PITRM1: variants seen among roughly 807,000 people sequenced by gnomAD.
PITRM1 encodes the protein presequence protease, mitochondrial.
Under a neutral mutation model 129.9 loss-of-function variants are expected in PITRM1, and 100 were observed. That is an observed-to-expected ratio of 0.77 (90% CI 0.65 to 0.91). The LOEUF (loss-of-function observed/expected upper bound fraction) is 0.91. PITRM1 is among the 40% of genes least tolerant of loss of function. The pLI is 0.00. For synonymous variants in PITRM1, 591 were observed against 508.8 expected (o/e 1.16, Z -2.17); for missense variants, 1,471 against 1,318.3 (o/e 1.12, Z -1.79).
At chr10:3,143,093 G>C in intron 23 of PITRM1, 1 of 379,940 alleles carries the variant, frequency 2.6e-6, no homozygotes, top group Non-Finnish European at 4.9e-6. Flanking sequence ...GATGAGGTGA[G>C]TACATGGGGC....
At position 3,162,631 on chromosome 10, in the gene PITRM1, G is replaced by A. The variant is rs76287607; in HGVS notation, c.791+1094C>T. On this transcript the variant is annotated intron_variant, in intron 7 of 26. Coordinates refer to ENST00000224949, the MANE Select transcript of PITRM1 (RefSeq NM_014889.4). ...GGTAGGATGTGGCCGTCTATGGAGAGCTCCCCATGAGGGACTCTGCTTACA... is the reference window on the plus strand; with the variant it reads ...GGTAGGATGTGGCCGTCTATGGAGAACTCCCCATGAGGGACTCTGCTTACA... Among the ~76,000 whole-genome samples the A allele has an allele frequency of 2.5e-3, 379 of 152,324 alleles. 4 individuals are homozygous for A. The highest frequency in any genetic ancestry group is 8.7e-3 in the African/African-American group (360 of 41,574).
chr10:3,150,768 G>T (rs528015286), intron 15 of PITRM1, among the ~76,000 whole-genome samples: 1 of 152,130 alleles, frequency 6.6e-6, no homozygotes, highest in Non-Finnish European at 1.5e-5. Flanking sequence ...GGAACAAAAC[G>T]TGCCAAGGAA....
Position 3,166,373 on chromosome 10 carries a change from A to ACCGCACG in PITRM1, c.273_274insCGTGCGG (p.Phe92ArgfsTer18), listed in dbSNP as rs772724180. The stretch of plus-strand genomic sequence containing the variant: ...GTACTGTCCATGGGAGTAGTACGGA[A>ACCGCACG]CTGCACGCTAGGGAAGGAGAATGAC... On this transcript the variant is annotated frameshift_variant, in exon 4 of 27. Coordinates refer to ENST00000224949, the MANE Select transcript of PITRM1 (RefSeq NM_014889.4). LOFTEE classifies it high-confidence loss of function. 2.6e-6 allele frequency: 4 copies of ACCGCACG among 1,567,814 alleles called. No individual in the cohort carries two copies. In the South Asian group the frequency reaches 3.4e-5, roughly 13 times the overall value.
intron 9 of PITRM1, 42 bp from the exon 10 acceptor site, chr10:3,159,084 A>G (rs768716154): frequency 6.4e-7 from 1 of 1,570,046 alleles, no homozygotes. Context: ...AGAAAAGAGT[A>G]AAGGGAAAAT....
At chr10:3,142,352 CCTT>C (rs1397356628) in intron 23 of PITRM1, among the ~76,000 whole-genome samples, 1 of 152,242 alleles carries the variant, frequency 6.6e-6, no homozygotes, top group African/African-American at 2.4e-5. Context: ...AGGCCCGGCT[CCTT>C]CTCCAATCAG....
rs763307403 is a variant in PITRM1 at position 3,149,498 on chromosome 10, A to G, written c.1871+123T>C. ...TCTAAACCAATATATTGTACACCAT[A>G]CTTACACACTAACATTGTAAGTTGT... On this transcript the variant is annotated intron_variant, in intron 16 of 26. Coordinates refer to ENST00000224949, the MANE Select transcript of PITRM1 (RefSeq NM_014889.4). 103 of 989,282 alleles carry G rather than the reference A, an allele frequency of 1.0e-4. 1 individual carries two copies. Among genetic ancestry groups the G allele is most frequent in the Non-Finnish European group, 1.0e-4 (70 of 676,934 alleles). 61.3% of individuals were successfully genotyped at this position (989,282 alleles called of 1,614,324 possible).
At chr10:3,155,101 C>T (rs1588679750) in intron 14 of PITRM1, among the ~76,000 whole-genome samples, 1 of 152,180 alleles carries the variant, frequency 6.6e-6, no homozygotes, top group African/African-American at 2.4e-5. Flanking sequence ...CCACAGGGCA[C>T]ACCTGTCTCC....
chr10:3,170,034 C>A, intron 2 of PITRM1, 70 bp downstream of exon 2: 1 of 1,182,822 alleles, frequency 8.5e-7, no homozygotes, highest in Admixed American at 1.8e-5. Flanking sequence ...TGAAGGGCTC[C>A]GTACATAGGC....
rs1310322714 is a variant in PITRM1 at position 3,166,960 on chromosome 10, C to G, written c.242G>C (p.Arg81Thr). The change falls in exon 3 of 27, where the codon AGA becomes ACA. Residue 81 changes from arginine to threonine, a missense_variant. By Grantham distance (71) the Arg-to-Thr change is moderately conservative (BLOSUM62 -1). Coordinates refer to ENST00000224949, the MANE Select transcript of PITRM1 (RefSeq NM_014889.4). Reference protein sequence around the residue: ...DTGARYLHLAREDTNNLFSVQ... With the variant: ...DTGARYLHLATEDTNNLFSVQ... ...CCTGAACAGATTATTCGTGTCTTCT[C>G]TGGCCAGGTGTAAATACCTGGCTCC... 27 of 1,608,414 alleles carry G rather than the reference C, an allele frequency of 1.7e-5. No individual in the cohort carries two copies. Among genetic ancestry groups the G allele is most frequent in the Non-Finnish European group, 2.2e-5 (26 of 1,175,878 alleles).
At chr10:3,162,922 G>C (rs1842568173) in intron 7 of PITRM1, among the ~76,000 whole-genome samples, 1 of 152,096 alleles carries the variant, frequency 6.6e-6, no homozygotes, top group Non-Finnish European at 1.5e-5. Context: ...TAAGAAATAG[G>C]CAGTTTTAAG....
In PITRM1 at chr10:3,137,905, G is replaced by A. The variant is rs887001356; in HGVS notation, c.*126C>T. Reference sequence around the variant, plus strand: ...ATAGATCTGAGTTTTTGACTCGCCAGTCAAGGGCTTTGGCGACACTCAATG... The same window carrying A: ...ATAGATCTGAGTTTTTGACTCGCCAATCAAGGGCTTTGGCGACACTCAATG... On this transcript the variant is annotated 3_prime_UTR_variant, in exon 27 of 27. Coordinates refer to ENST00000224949, the MANE Select transcript of PITRM1 (RefSeq NM_014889.4). The A allele has an allele frequency of 1.3e-5, 8 of 637,022 alleles. No homozygotes were observed. In the African/African-American group the frequency reaches 1.5e-4, roughly 12 times the overall value. The allele number at this position is 637,022 out of a possible 1,614,324, so 39.5% of individuals were successfully genotyped here. A position where few individuals can be genotyped will look rare whatever the true frequency, so the allele number is the denominator to read the frequency against.
intron 23 of PITRM1, chr10:3,141,853 GA>G (rs1840253262): frequency 3.9e-6 from 1 of 256,292 alleles, no homozygotes; most frequent in Non-Finnish European, 8.2e-6. Flanking sequence ...TCCTCCAGGA[GA>G]AACCCAGCGC....
chr10:3,172,806 C>G, upstream of PITRM1: 3 of 1,533,584 alleles, frequency 2.0e-6, no homozygotes, highest in Non-Finnish European at 2.6e-6. Flanking sequence ...GCGAGGAACC[C>G]CCTCTTAACC....
Position 3,172,776 on chromosome 10 carries a change from G to C in PITRM1, c.-4C>G. 6.5e-7 allele frequency: 1 copy of C among 1,544,984 alleles called. No homozygotes were observed. Among genetic ancestry groups the C allele is most frequent in the Non-Finnish European group, 8.7e-7 (1 of 1,145,078 alleles). ...GCCGCCCGCCGCAGCGCCACATTGC[G>C]CATGACGAGCACCTGGCTGGCGAGG... On this transcript the variant is annotated 5_prime_UTR_variant, in exon 1 of 27. Transcript: ENST00000224949.
intron 9 of PITRM1, among the ~76,000 whole-genome samples, 179 bp from the exon 10 acceptor site, chr10:3,159,221 G>A (rs545027952): frequency 3.3e-5 from 5 of 152,132 alleles, no homozygotes; most frequent in Non-Finnish European, 7.3e-5. Flanking sequence ...TTTGAAGGGG[G>A]GCACAAACCA....
intron 22 of PITRM1, chr10:3,143,705 C>T (rs768069318): frequency 3.8e-5 from 27 of 707,526 alleles, no homozygotes; most frequent in Non-Finnish European, 1.1e-5. Context: ...GCAGTTCCGT[C>T]ACTCCACACA....
rs1418420129 is a variant in PITRM1, at chr10:3,160,335, A to G, written c.792-5T>C. 1 of 1,602,302 alleles carries G rather than the reference A, an allele frequency of 6.2e-7. No individual in the cohort carries two copies. The highest frequency in any genetic ancestry group is 8.6e-7 in the Non-Finnish European group (1 of 1,169,348). ...AAATTACCGTACGTGAAGAACCTAA[A>G]ATTTTAAGGGAATATAATTAGTCTG... On this transcript the variant is annotated splice_polypyrimidine_tract_variant and splice_region_variant and intron_variant, in intron 7 of 26. Transcript: ENST00000224949.
rs1183867311 is a variant in PITRM1, at chr10:3,149,866, T to G, written c.1739-113A>C. The stretch of plus-strand genomic sequence containing the variant: ...TTTTCAAGAATGGAGGTTTAAGACT[T>G]ATACTAGAGTTTATATAAATTTCCC... On this transcript the variant is annotated intron_variant, in intron 15 of 26. Coordinates refer to ENST00000224949, the MANE Select transcript of PITRM1 (RefSeq NM_014889.4). The G allele has an allele frequency of 2.8e-6, 3 of 1,086,828 alleles. No individual in the cohort carries two copies. In the African/African-American group the frequency reaches 4.7e-5, roughly 17 times the overall value. 67.3% of individuals were successfully genotyped at this position (1,086,828 alleles called of 1,614,324 possible).
At chr10:3,139,518 T>TCC (rs1250779677) in intron 24 of PITRM1, among the ~76,000 whole-genome samples, 1 of 151,846 alleles carries the variant, frequency 6.6e-6, no homozygotes, top group African/African-American at 2.4e-5. Context: ...AGCCCAGCCC[T>TCC]CCCTTCACCC....
Sources: gnomAD v4.1 joint callset for allele counts (sites outside exome capture counted in the v4.1 genomes callset) on GRCh38, gnomAD v4.1.1 for gene constraint, MANE v1.5 for transcripts, NCBI Gene and HGNC (gene_info 2026-07-23, HGNC 2026-07-21) for gene names.